Variants in RASSF8 observed in about 807,000 individuals in gnomAD.
The protein encoded by RASSF8 is Ras association domain family member 8.
A neutral mutation model predicts 48.5 loss-of-function variants in RASSF8; 22 were observed. That is an observed-to-expected ratio of 0.45 (90% CI 0.32 to 0.65). The LOEUF is 0.65. Among genes scored for constraint, RASSF8 ranks in the 30% least tolerant of loss-of-function variants. RASSF8 has a pLI of 0.03. For missense variants in RASSF8, 418 were observed against 489.2 expected (o/e 0.85, Z 1.37); for synonymous variants, 127 against 171.5 (o/e 0.74, Z 2.03).
intron 2 of RASSF8, among the ~76,000 whole-genome samples, chr12:26,002,627 T>C (rs1160817321): frequency 1.3e-5 from 2 of 151,976 alleles, no homozygotes; most frequent in Non-Finnish European, 2.9e-5. Context: ...AGAAAAAAAT[T>C]AGCCAAGCGT....
chr12:26,043,997 CTT>C (rs1943320761), intron 2 of RASSF8, among the ~76,000 whole-genome samples: 3 of 152,132 alleles, frequency 2.0e-5, no homozygotes, highest in African/African-American at 7.2e-5. Context: ...AAATTCATAA[CTT>C]AAGATTTCTG....
chr12:26,073,774 CACAT>C (rs1333011919), downstream of RASSF8, among the ~76,000 whole-genome samples: 131 of 124,060 alleles, frequency 1.1e-3, 1 homozygote, highest in Middle Eastern at 4.0e-3. Context: ...CACACACACA[CACAT>C]ATATATATAC....
chr12:25,980,970 A>C (rs939434258), intron 1 of RASSF8, among the ~76,000 whole-genome samples: 16 of 152,160 alleles, frequency 1.1e-4, no homozygotes, highest in Non-Finnish European at 7.4e-5. Flanking sequence ...AGTAGAAAAT[A>C]GGCAATGGGT....
Position 26,063,184 on chromosome 12 carries a change from GA to G in RASSF8, c.104-1313del, listed in dbSNP as rs1328052436. ...GCTGTTTATACAAGTATAATTGCTGGATGGCAGCGTTGGTTTTTTTTCTTTG... is the reference window on the plus strand; with the variant it reads ...GCTGTTTATACAAGTATAATTGCTGGTGGCAGCGTTGGTTTTTTTTCTTTG... On this transcript the variant is annotated intron_variant, in intron 3 of 5. Transcript: ENST00000689635. Among the ~76,000 whole-genome samples the G allele has an allele frequency of 1.4e-4, 21 of 151,936 alleles. No homozygotes were observed. The East Asian group carries it at 2.1e-3, about 15-fold the overall frequency.
chr12:26,044,491 C>T, intron 2 of RASSF8, among the ~76,000 whole-genome samples: 1 of 151,890 alleles, frequency 6.6e-6, no homozygotes, highest in Non-Finnish European at 1.5e-5. Flanking sequence ...GTAGCTGTAC[C>T]CTACAGTTGA....
intron 1 of RASSF8, among the ~76,000 whole-genome samples, chr12:25,991,096 T>G (rs886729990): frequency 3.9e-5 from 6 of 152,112 alleles, no homozygotes; most frequent in Non-Finnish European, 7.4e-5. Context: ...TCTGTCCTGG[T>G]GGGCCTAGTT....
chr12:26,044,184 T>C (rs566385568), intron 2 of RASSF8, among the ~76,000 whole-genome samples: 40 of 152,104 alleles, frequency 2.6e-4, no homozygotes, highest in Non-Finnish European at 4.9e-4. Flanking sequence ...AGGCTGGAGA[T>C]TTTTGTGACT....
At position 26,072,788 on chromosome 12, in the gene RASSF8, T is replaced by C; in HGVS notation, c.*3970T>C. ...TTGACTTTCATTTTAAATGTATATT[T>C]TCTGATCATTATGAGCTGTAAAACA... On this transcript the variant is annotated 3_prime_UTR_variant, in exon 6 of 6. Coordinates refer to ENST00000689635, the MANE Select transcript of RASSF8 (RefSeq NM_001394098.1). 10 of 922,720 alleles carry C rather than the reference T, an allele frequency of 1.1e-5. No individual in the cohort carries two copies. The highest frequency in any genetic ancestry group is 1.3e-5 in the Non-Finnish European group (10 of 773,016). The allele number at this position is 922,720 out of a possible 1,614,324, so 57.2% of individuals were successfully genotyped here.
intron 2 of RASSF8, among the ~76,000 whole-genome samples, chr12:26,007,118 G>C (rs997148647): frequency 6.6e-6 from 1 of 151,978 alleles, no homozygotes; most frequent in Non-Finnish European, 1.5e-5. Flanking sequence ...GAGGTGCCAG[G>C]CTCTTTTCAG....
intron 2 of RASSF8, among the ~76,000 whole-genome samples, chr12:26,037,875 A>T (rs1478967433): frequency 6.6e-6 from 1 of 152,192 alleles, no homozygotes; most frequent in African/African-American, 2.4e-5. Flanking sequence ...CTAAAGGAAA[A>T]TTGTGCCCTA....
intron 1 of RASSF8, among the ~76,000 whole-genome samples, chr12:25,964,908 T>A (rs932448819): frequency 1.3e-5 from 2 of 152,186 alleles, no homozygotes; most frequent in Admixed American, 1.3e-4. Flanking sequence ...TGACTTCCCT[T>A]ATATTTCTTT....
chr12:26,044,557 C>T (rs1276929542), intron 2 of RASSF8, among the ~76,000 whole-genome samples: 1 of 151,726 alleles, frequency 6.6e-6, no homozygotes, highest in Non-Finnish European at 1.5e-5. Flanking sequence ...TTCATTCTGA[C>T]TGCTGATGAC....
At chr12:26,068,118 C>G (rs80016159) in intron 5 of RASSF8, among the ~76,000 whole-genome samples, 701 of 152,044 alleles carry the variant, frequency 4.6e-3, no homozygotes, top group Middle Eastern at 0.017. Context: ...AAAATATTAC[C>G]CTAACATTCA....
intron 2 of RASSF8, among the ~76,000 whole-genome samples, chr12:26,042,966 A>G (rs540069189): frequency 5.3e-5 from 8 of 152,226 alleles, no homozygotes; most frequent in Admixed American, 3.9e-4. Flanking sequence ...TCACACTGAC[A>G]TTTTCTCATT....
downstream of RASSF8, among the ~76,000 whole-genome samples, chr12:26,074,665 G>A (rs1381233429): frequency 1.3e-5 from 2 of 152,046 alleles, no homozygotes; most frequent in Admixed American, 1.3e-4. Flanking sequence ...TGATGATAGA[G>A]ATGACAACTT....
At chr12:25,972,099 C>CT (rs1396220789) in intron 1 of RASSF8, among the ~76,000 whole-genome samples, 2 of 152,194 alleles carry the variant, frequency 1.3e-5, no homozygotes, top group East Asian at 1.9e-4. Context: ...CCGGTAGACA[C>CT]TAAGTGTGAA....
intron 1 of RASSF8, among the ~76,000 whole-genome samples, chr12:25,986,759 C>T (rs182470644): frequency 6.6e-6 from 1 of 152,290 alleles, no homozygotes; most frequent in East Asian, 1.9e-4. Context: ...TGACAAGGCT[C>T]CTAGTTACTT....
intron 2 of RASSF8, among the ~76,000 whole-genome samples, chr12:26,027,136 G>A (rs1431285035): frequency 1.3e-5 from 2 of 152,180 alleles, no homozygotes. Context: ...ATCCAGAGTA[G>A]GCAAATCCAT....
chr12:25,963,164 A>G (rs1414274800), intron 1 of RASSF8, among the ~76,000 whole-genome samples: 1 of 152,122 alleles, frequency 6.6e-6, no homozygotes, highest in Admixed American at 6.5e-5. Flanking sequence ...AAGGATGCTC[A>G]GTGCTGTCCA....
Sources: allele counts gnomAD v4.1 joint callset (sites outside exome capture counted in the v4.1 genomes callset), GRCh38; gene constraint gnomAD v4.1.1; transcripts MANE v1.5; gene names NCBI Gene and HGNC (gene_info 2026-07-23, HGNC 2026-07-21).